The following EPB41L2 variants were observed in gnomAD, a reference collection of about 807,000 sequenced individuals.
EPB41L2 encodes the protein erythrocyte membrane protein band 4.1 like 2.
EPB41L2 carries 43 observed loss-of-function variants against 113.0 expected under a neutral mutation model. That is an observed-to-expected ratio of 0.38 (90% CI 0.30 to 0.49). The LOEUF (loss-of-function observed/expected upper bound fraction) is 0.49. Ranked by LOEUF, EPB41L2 falls within the 20% of genes least tolerant of loss-of-function variation. The pLI is 0.95. For missense variants in EPB41L2, 1,147 were observed against 1,223.4 expected (o/e 0.94, Z 0.93); for synonymous variants, 442 against 436.7 (o/e 1.01, Z -0.15).
At chr6:130,975,775 G>C (rs1778053966) in intron 1 of EPB41L2, among the ~76,000 whole-genome samples, 1 of 152,170 alleles carries the variant, frequency 6.6e-6, no homozygotes, top group South Asian at 2.1e-4. Context: ...TGTAATCCCA[G>C]CACTTTGGGA....
At chr6:131,004,737 T>C (rs1027986563) in intron 1 of EPB41L2, among the ~76,000 whole-genome samples, 1 of 152,056 alleles carries the variant, frequency 6.6e-6, no homozygotes, top group Non-Finnish European at 1.5e-5. Context: ...TCCAACAGAC[T>C]AGGGGTGAAG....
At chr6:130,880,504 A>G (rs945854054) in intron 12 of EPB41L2, 5 of 642,558 alleles carry the variant, frequency 7.8e-6, no homozygotes, top group Non-Finnish European at 1.1e-5. Flanking sequence ...AAAGTCACAC[A>G]GCAAACGGCC....
At position 130,895,036 on chromosome 6, in the gene EPB41L2, A is replaced by C; in HGVS notation, c.1320T>G (p.Phe440Leu). Reference protein sequence around the residue: ...IYKDRLRINRFAWPKILKISY... With the variant: ...IYKDRLRINRLAWPKILKISY... ...AAATTTTTAAGATTTTCGGCCAAGC[A>C]AAACGATTGATTCGCAGTCTGTCTT... The change falls in exon 9 of 20, where the codon TTT (phenylalanine) becomes TTG (leucine). Residue 440 changes from phenylalanine (F) to leucine (L), a missense_variant. Physicochemically the swap from Phe to Leu is conservative, Grantham distance 22. Coordinates refer to ENST00000337057, the MANE Select transcript of EPB41L2 (RefSeq NM_001431.4). 1 of 1,614,082 alleles carries C rather than the reference A, an allele frequency of 6.2e-7. No individual in the cohort carries two copies. Among genetic ancestry groups the C allele is most frequent in the Non-Finnish European group, 8.5e-7 (1 of 1,179,948 alleles).
intron 5 of EPB41L2, 35 bp downstream of exon 5, chr6:130,908,786 C>G (rs751725484): frequency 6.6e-7 from 1 of 1,512,470 alleles, no homozygotes; most frequent in Non-Finnish European, 9.1e-7. Context: ...TATCAAGACA[C>G]CTTAACTTCA....
chr6:130,845,289 A>G lies in EPB41L2; in HGVS notation c.*6-4691T>C, dbSNP rs541612120. 1.5e-3 allele frequency among the ~76,000 whole-genome samples: 235 copies of G among 152,350 alleles called. 1 individual carries two copies. Among genetic ancestry groups the G allele is most frequent in the Non-Finnish European group, 3.0e-3 (202 of 68,034 alleles). ...TTTCAGTGTGTTGGCATTTTCACCAATGGTGTAAACAAATAATGGTGAGTA... is the reference window on the plus strand; with the variant it reads ...TTTCAGTGTGTTGGCATTTTCACCAGTGGTGTAAACAAATAATGGTGAGTA... On this transcript the variant is annotated intron_variant, in intron 19 of 19. Coordinates refer to ENST00000337057, the MANE Select transcript of EPB41L2 (RefSeq NM_001431.4).
At chr6:131,028,579 C>T (rs946803821) in intron 1 of EPB41L2, among the ~76,000 whole-genome samples, 9 of 152,150 alleles carry the variant, frequency 5.9e-5, no homozygotes, top group Non-Finnish European at 1.2e-4. Flanking sequence ...ACACATACCT[C>T]ACTGAAGTAG....
chr6:130,862,068 A>G (rs1291152828), intron 18 of EPB41L2, among the ~76,000 whole-genome samples: 1 of 152,168 alleles, frequency 6.6e-6, no homozygotes, highest in Non-Finnish European at 1.5e-5. Flanking sequence ...AGTCAGGTGT[A>G]TATGTTATTT....
At chr6:131,057,629 G>T (rs1413906264) in intron 1 of EPB41L2, among the ~76,000 whole-genome samples, 1 of 152,158 alleles carries the variant, frequency 6.6e-6, no homozygotes, top group Non-Finnish European at 1.5e-5. Flanking sequence ...GCTTGGAAAA[G>T]GTGACTTCAG....
chr6:130,973,850 T>C (rs1295566890), intron 1 of EPB41L2, among the ~76,000 whole-genome samples: 2 of 152,232 alleles, frequency 1.3e-5, no homozygotes, highest in African/African-American at 2.4e-5. Flanking sequence ...CTGACCACCA[T>C]GGGCACATGT....
At chr6:130,962,710 TG>T (rs1361707663) in intron 1 of EPB41L2, among the ~76,000 whole-genome samples, 2 of 152,248 alleles carry the variant, frequency 1.3e-5, no homozygotes, top group African/African-American at 4.8e-5. Context: ...CAAGTCTAGA[TG>T]GGATCAGGTG....
At chr6:131,059,429 C>G (rs545998228) in intron 1 of EPB41L2, among the ~76,000 whole-genome samples, 1 of 152,342 alleles carries the variant, frequency 6.6e-6, no homozygotes, top group Non-Finnish European at 1.5e-5. Flanking sequence ...TCCTAAACAA[C>G]TCTAATAGCT....
intron 3 of EPB41L2, among the ~76,000 whole-genome samples, chr6:130,936,417 C>A (rs1447528603): frequency 1.3e-5 from 2 of 152,126 alleles, no homozygotes; most frequent in Admixed American, 1.3e-4. Flanking sequence ...TTGGTTTATT[C>A]AAAATTACAA....
chr6:130,874,364 A>G (rs186999086), intron 14 of EPB41L2, among the ~76,000 whole-genome samples: 1 of 151,758 alleles, frequency 6.6e-6, no homozygotes, highest in Non-Finnish European at 1.5e-5. Context: ...CTTATGCATA[A>G]TTTTTTTATT....
rs200306247 is a variant in EPB41L2 at position 130,890,482 on chromosome 6, A to C, written c.1488-16T>G. On this transcript the variant is annotated splice_polypyrimidine_tract_variant and intron_variant, in intron 10 of 19. Transcript: ENST00000337057. ...AGAAACAAGCCTATGGGAGGAAAAAAAAAAAAAAAGAGAGAGAGAAAGGGG... is the reference window on the plus strand; with the variant it reads ...AGAAACAAGCCTATGGGAGGAAAAACAAAAAAAAAGAGAGAGAGAAAGGGG... The C allele has an allele frequency of 8.9e-6, 14 of 1,571,036 alleles. No individual in the cohort carries two copies. In the East Asian group the frequency reaches 3.1e-4, roughly 35 times the overall value.
At chr6:131,051,471 C>T (rs1426315077) in intron 1 of EPB41L2, among the ~76,000 whole-genome samples, 1 of 115,424 alleles carries the variant, frequency 8.7e-6, no homozygotes, top group Non-Finnish European at 1.7e-5. Context: ...AAAAAACACA[C>T]ACACACACAC....
chr6:130,953,810 A>T (rs114646479), intron 3 of EPB41L2, among the ~76,000 whole-genome samples: 3,998 of 151,934 alleles, frequency 0.026, 179 homozygotes, highest in African/African-American at 0.092. Flanking sequence ...TGGCCTTTCC[A>T]CCATGTGAAG....
At chr6:130,987,336 C>T (rs1371574750) in intron 1 of EPB41L2, among the ~76,000 whole-genome samples, 1 of 152,192 alleles carries the variant, frequency 6.6e-6, no homozygotes, top group East Asian at 1.9e-4. Context: ...TACATTCCCA[C>T]CAGTAGTATA....
chr6:130,854,003 G>T (rs528765190), intron 19 of EPB41L2, among the ~76,000 whole-genome samples: 10 of 152,130 alleles, frequency 6.6e-5, no homozygotes, highest in Non-Finnish European at 1.3e-4. Context: ...AGTGGGGGGT[G>T]GAGATGCCAA....
chr6:130,982,716 A>C (rs1779659014), intron 1 of EPB41L2, among the ~76,000 whole-genome samples: 1 of 152,236 alleles, frequency 6.6e-6, no homozygotes. Flanking sequence ...TTTTACTAAT[A>C]ATAAAAGACC....
Sources: gnomAD v4.1 joint callset for allele counts (sites outside exome capture counted in the v4.1 genomes callset) on GRCh38, gnomAD v4.1.1 for gene constraint, MANE v1.5 for transcripts, NCBI Gene and HGNC (gene_info 2026-07-23, HGNC 2026-07-21) for gene names.